The following MYO16 variants were observed in gnomAD, a reference collection of about 807,000 sequenced individuals.
The protein encoded by MYO16 is myosin XVI.
In MYO16, 94 loss-of-function variants were observed where a neutral mutation model predicts 205.3. The observed-to-expected ratio is 0.46, with a 90% CI of 0.39 to 0.54. The LOEUF is 0.54. MYO16 is among the 20% of genes least tolerant of loss of function. The pLI is 0.00. For synonymous variants in MYO16, 988 were observed against 954.0 expected (o/e 1.04, Z -0.66); for missense variants, 2,315 against 2,387.5 (o/e 0.97, Z 0.63).
intron 20 of MYO16, among the ~76,000 whole-genome samples, chr13:108,991,094 G>A (rs183377998): frequency 2.0e-5 from 3 of 152,230 alleles, no homozygotes; most frequent in East Asian, 1.9e-4. Flanking sequence ...CATACTATAC[G>A]TCAATGATGT....
intron 7 of MYO16, among the ~76,000 whole-genome samples, chr13:108,810,470 T>C (rs963331093): frequency 2.3e-4 from 35 of 152,198 alleles, no homozygotes; most frequent in African/African-American, 7.7e-4. Context: ...AAAAAACAAC[T>C]GGAGATTTAT....
intron 20 of MYO16, among the ~76,000 whole-genome samples, chr13:108,972,338 ATATATATATAGCCATATATATAT>A (rs1884070185): frequency 1.7e-5 from 1 of 58,768 alleles, no homozygotes; most frequent in African/African-American, 6.9e-5. Context: ...ATCTATATAT[ATATATATATAGCCATATATATAT>A]ATATATATAT....
intron 16 of MYO16, among the ~76,000 whole-genome samples, chr13:108,943,078 C>T (rs535769011): frequency 6.6e-6 from 1 of 152,270 alleles, no homozygotes; most frequent in Admixed American, 6.5e-5. Flanking sequence ...GTTGAATTTG[C>T]CGTGATGATA....
At position 108,852,663 on chromosome 13, in the gene MYO16, C is replaced by G. The variant is rs181590925; in HGVS notation, c.1249-2780C>G. 1.4e-3 allele frequency among the ~76,000 whole-genome samples: 216 copies of G among 152,274 alleles called. 2 individuals are homozygous for G. The highest frequency in any genetic ancestry group is 5.0e-3 in the African/African-American group (207 of 41,556). ...CAGGGCCCTCCACACTCACCCGCAT[C>G]CCTCCCGCCAACAGCTCCAAGGGAA... On this transcript the variant is annotated intron_variant, in intron 10 of 34. Transcript: ENST00000457511.
At chr13:108,880,885 T>C (rs1315294797) in intron 12 of MYO16, among the ~76,000 whole-genome samples, 3 of 152,192 alleles carry the variant, frequency 2.0e-5, no homozygotes, top group Non-Finnish European at 4.4e-5. Context: ...AGTAGTTTTT[T>C]CCAATTCTGT....
chr13:108,816,103 G>A (rs187978843), intron 7 of MYO16, among the ~76,000 whole-genome samples: 29 of 152,048 alleles, frequency 1.9e-4, no homozygotes, highest in Middle Eastern at 6.8e-3. Flanking sequence ...TGGACCGTCC[G>A]GGCCTTTACA....
chr13:109,072,618 CA>C (rs1301315750), intron 27 of MYO16, among the ~76,000 whole-genome samples: 1 of 151,854 alleles, frequency 6.6e-6, no homozygotes, highest in Non-Finnish European at 1.5e-5. Flanking sequence ...CACTCTCACA[CA>C]ACCCAAGCAT....
intron 27 of MYO16, among the ~76,000 whole-genome samples, chr13:109,065,164 G>A (rs1887706093): frequency 6.6e-6 from 1 of 152,180 alleles, no homozygotes; most frequent in African/African-American, 2.4e-5. Flanking sequence ...TACCCACTGG[G>A]TCAAGTTTCC....
At chr13:108,914,547 C>G (rs567142113) in intron 16 of MYO16, among the ~76,000 whole-genome samples, 21 of 152,232 alleles carry the variant, frequency 1.4e-4, no homozygotes, top group Middle Eastern at 3.4e-3. Context: ...ATACATGAAT[C>G]AAAATAAAAT....
intron 20 of MYO16, among the ~76,000 whole-genome samples, chr13:108,976,909 C>T (rs767702159): frequency 1.3e-5 from 2 of 152,090 alleles, no homozygotes; most frequent in Non-Finnish European, 2.9e-5. Context: ...ACTTTTGCCT[C>T]AGGTTTTCGT....
the MYO16 span, among the ~76,000 whole-genome samples, chr13:108,567,037 T>C: frequency 2.0e-5 from 3 of 152,132 alleles, no homozygotes; most frequent in Non-Finnish European, 4.4e-5. Context: ...AATATAATCT[T>C]GTAGGAGGTG....
At chr13:108,571,293 C>A in the MYO16 span, among the ~76,000 whole-genome samples, 1 of 148,992 alleles carries the variant, frequency 6.7e-6, no homozygotes, top group Admixed American at 6.7e-5. Context: ...GAGGATTAGC[C>A]CTGGGATGAA....
intron 33 of MYO16, among the ~76,000 whole-genome samples, chr13:109,176,792 A>G (rs9555563): frequency 0.16 from 22,292 of 141,970 alleles, 2,326 homozygotes; most frequent in East Asian, 0.54. Context: ...CTCCCCCAGC[A>G]CCCACTCACC....
At chr13:108,687,656 C>A (rs1427776334) in intron 2 of MYO16, among the ~76,000 whole-genome samples, 1 of 152,154 alleles carries the variant, frequency 6.6e-6, no homozygotes, top group Non-Finnish European at 1.5e-5. Context: ...TTGAACAACG[C>A]ACTTAACCCA....
chr13:108,621,076 T>A (rs1454653974), intron 1 of MYO16, among the ~76,000 whole-genome samples: 3 of 152,190 alleles, frequency 2.0e-5, no homozygotes, highest in African/African-American at 7.2e-5. Flanking sequence ...CCACCTGCTT[T>A]GCCTAATCTC....
At chr13:108,968,079 A>C (rs1883864325) in intron 20 of MYO16, among the ~76,000 whole-genome samples, 1 of 152,210 alleles carries the variant, frequency 6.6e-6, no homozygotes, top group South Asian at 2.1e-4. Context: ...CCAGTAACGC[A>C]AGCACAGTTT....
chr13:108,961,399 G>A (rs1434093229), intron 17 of MYO16, 140 bp from the exon 18 acceptor site: 12 of 613,136 alleles, frequency 2.0e-5, no homozygotes, highest in Middle Eastern at 4.3e-4. Context: ...TTGCCATATC[G>A]AACATTTGGG....
chr13:109,192,765 A>T (rs1470067797), intron 34 of MYO16, among the ~76,000 whole-genome samples: 2 of 152,204 alleles, frequency 1.3e-5, no homozygotes, highest in African/African-American at 4.8e-5. Context: ...ATGAAAGGTC[A>T]TCCACTCATC....
chr13:108,939,197 G>A (rs1882618239), intron 16 of MYO16, among the ~76,000 whole-genome samples: 1 of 152,196 alleles, frequency 6.6e-6, no homozygotes, highest in African/African-American at 2.4e-5. Context: ...CCCAGTCCTG[G>A]GTCTGGGGAA....
Sources: gnomAD v4.1 joint callset for allele counts (sites outside exome capture counted in the v4.1 genomes callset) on GRCh38, gnomAD v4.1.1 for gene constraint, MANE v1.5 for transcripts, NCBI Gene and HGNC (gene_info 2026-07-23, HGNC 2026-07-21) for gene names.